Variants in NFATC1 observed in about 807,000 individuals in gnomAD.
NFATC1 encodes nuclear factor of activated T cells 1, also known as nuclear factor of activated T-cells, cytoplasmic 1.
In NFATC1, 22 loss-of-function variants were observed where a neutral mutation model predicts 76.0. The ratio of observed to expected loss-of-function variants is 0.29; its 90% CI spans 0.21 to 0.41. The LOEUF is 0.41. Among genes scored for constraint, NFATC1 ranks in the 10% least tolerant of loss-of-function variants. NFATC1 has a pLI of 1.00. For synonymous variants in NFATC1, 704 were observed against 613.1 expected (o/e 1.15, Z -2.19); for missense variants, 1,357 against 1,337.7 (o/e 1.01, Z -0.23).
intron 8 of NFATC1, among the ~76,000 whole-genome samples, chr18:79,475,034 C>G (rs572735860): frequency 7.4e-6 from 1 of 135,852 alleles, no homozygotes; most frequent in Admixed American, 7.2e-5. Flanking sequence ...GAAGCGTGTT[C>G]TCACGCTCAC....
intron 7 of NFATC1, among the ~76,000 whole-genome samples, chr18:79,462,639 C>T (rs987319076): frequency 6.6e-6 from 1 of 152,212 alleles, no homozygotes; most frequent in African/African-American, 2.4e-5. Context: ...TTGGATTGAT[C>T]CCTACGTTGG....
chr18:79,433,281 A>G (rs923754501), intron 2 of NFATC1, among the ~76,000 whole-genome samples: 2 of 152,186 alleles, frequency 1.3e-5, no homozygotes, highest in Non-Finnish European at 2.9e-5. Flanking sequence ...ATTTTCAATG[A>G]GTTCTAAAAC....
rs1491226314 is a variant in NFATC1 at position 79,424,477 on chromosome 18, CTT to C, written c.1227-9100_1227-9099del. ...AAATGCGCTGATCGTCTCTCTCTCT[CTT>C]TGTCTCTCCATCTCTGTCTCTCTCC... On this transcript the variant is annotated intron_variant, in intron 2 of 9. Transcript: ENST00000427363. Among the ~76,000 whole-genome samples, 812 of 132,886 alleles carry C rather than the reference CTT, an allele frequency of 6.1e-3. 4 individuals are homozygous for C. Among genetic ancestry groups the C allele is most frequent in the African/African-American group, 0.021 (681 of 32,078 alleles). The allele number at this position is 132,886 out of a possible 152,430, so 87.2% of individuals were successfully genotyped here.
intron 8 of NFATC1, among the ~76,000 whole-genome samples, chr18:79,477,498 A>G (rs1030099120): frequency 6.6e-5 from 10 of 152,206 alleles, no homozygotes; most frequent in African/African-American, 2.4e-4. Flanking sequence ...TGTTGGCGGA[A>G]GAAGGGGGTC....
chr18:79,440,237 G>T (rs1035735777), intron 3 of NFATC1, among the ~76,000 whole-genome samples: 22 of 152,208 alleles, frequency 1.4e-4, no homozygotes, highest in Non-Finnish European at 2.2e-4. Context: ...AAGATGACGC[G>T]TGGGCTCTGG....
chr18:79,400,329 G>C (rs990292888), intron 1 of NFATC1: 5 of 1,357,026 alleles, frequency 3.7e-6, no homozygotes, highest in Middle Eastern at 2.6e-4. Flanking sequence ...GGGCAGCGCC[G>C]GGAGAACCGA....
chr18:79,444,164 G>A (rs1015247656), intron 3 of NFATC1, among the ~76,000 whole-genome samples: 1 of 152,234 alleles, frequency 6.6e-6, no homozygotes, highest in Non-Finnish European at 1.5e-5. Flanking sequence ...GTGAGCTGGT[G>A]CCAGTGGGTC....
Position 79,410,233 on chromosome 18 carries a change from C to G in NFATC1, c.128-170C>G, listed in dbSNP as rs1282931431. On this transcript the variant is annotated intron_variant, in intron 1 of 9. Transcript: ENST00000427363. This position sits in a 1 kb window ranked among gnomAD's most constrained non-coding sequence, Gnocchi z 6.7. ...GCCAGGTGGGACTGGGGCTGTCACT[C>G]CAAGTCGCCCGGAGCTGTCCGGCAG... 7.1e-6 allele frequency: 8 copies of G among 1,126,396 alleles called. No homozygotes were observed. The highest frequency in any genetic ancestry group is 2.1e-4 in the Middle Eastern group (1 of 4,688). The allele number at this position is 1,126,396 out of a possible 1,614,324, so 69.8% of individuals were successfully genotyped here.
chr18:79,518,894 G>T (rs915972518), intron 9 of NFATC1, among the ~76,000 whole-genome samples: 3 of 152,256 alleles, frequency 2.0e-5, no homozygotes, highest in Non-Finnish European at 4.4e-5. Flanking sequence ...CCTGACTTGG[G>T]CTCCGATCCA....
chr18:79,467,925 C>CA (rs2088600231), intron 8 of NFATC1: 21 of 1,098,272 alleles, frequency 1.9e-5, no homozygotes, highest in Non-Finnish European at 2.3e-5. Flanking sequence ...CACCCTAAAG[C>CA]TGCTTACGGT....
chr18:79,480,154 G>T (rs1374982755), intron 8 of NFATC1, among the ~76,000 whole-genome samples: 1 of 152,226 alleles, frequency 6.6e-6, no homozygotes, highest in Non-Finnish European at 1.5e-5. Context: ...CGTGGGTGGG[G>T]CACGTGCGGT....
chr18:79,480,651 C>T (rs940635445), intron 8 of NFATC1, among the ~76,000 whole-genome samples: 6 of 152,192 alleles, frequency 3.9e-5, no homozygotes, highest in Admixed American at 6.5e-5. Flanking sequence ...GTGTTCTTGA[C>T]GTTCTCCAGC....
chr18:79,461,539 A>G (rs58788654), intron 7 of NFATC1, among the ~76,000 whole-genome samples, 173 bp downstream of exon 7: 45,575 of 152,088 alleles, frequency 0.3, 9,929 homozygotes, highest in African/African-American at 0.61. Context: ...AAACAGGATC[A>G]CCAAGTACTC....
intron 8 of NFATC1, chr18:79,468,063 C>T (rs1324824355): frequency 2.2e-6 from 2 of 901,172 alleles, no homozygotes; most frequent in Non-Finnish European, 2.7e-6. Flanking sequence ...GTCCCCGAGA[C>T]ACTTCTCCAG....
At chr18:79,455,281 C>T (rs1013570108) in intron 6 of NFATC1, among the ~76,000 whole-genome samples, 7 of 152,332 alleles carry the variant, frequency 4.6e-5, no homozygotes, top group East Asian at 3.9e-4. Context: ...TGCCAGCGAT[C>T]GCGCAGCGGG....
At chr18:79,423,603 G>C (rs919778852) in intron 2 of NFATC1, among the ~76,000 whole-genome samples, 3 of 152,194 alleles carry the variant, frequency 2.0e-5, no homozygotes, top group African/African-American at 7.2e-5. Context: ...GGCTGGACCT[G>C]GGACTGCCTG....
rs1349385550 is a variant in NFATC1, at chr18:79,424,769, CTCTCTCTG to C, written c.1227-8796_1227-8789del. Among the ~76,000 whole-genome samples, 12 of 147,088 alleles carry C rather than the reference CTCTCTCTG, an allele frequency of 8.2e-5. No homozygotes were observed. In the South Asian group the frequency reaches 2.1e-3, roughly 26 times the overall value. On this transcript the variant is annotated intron_variant, in intron 2 of 9. Coordinates refer to ENST00000427363, the MANE Select transcript of NFATC1 (RefSeq NM_001278669.2). The stretch of plus-strand genomic sequence containing the variant: ...TCTGTCCCTGTCTCTGTTTCTCTGT[CTCTCTCTG>C]TCTCTCTGTCTCTGACTCTCTGTGT...
chr18:79,462,574 G>A (rs141647741), intron 7 of NFATC1, among the ~76,000 whole-genome samples: 1,858 of 152,306 alleles, frequency 0.012, 37 homozygotes, highest in African/African-American at 0.037. Flanking sequence ...AAAGTGCTGG[G>A]ATTACAGGCA....
At chr18:79,464,038 A>G (rs1227399823) in intron 7 of NFATC1, among the ~76,000 whole-genome samples, 1 of 152,262 alleles carries the variant, frequency 6.6e-6, no homozygotes, top group Non-Finnish European at 1.5e-5. Context: ...TTTAAAAGAA[A>G]CTTAAGAGCA....
Sources: gnomAD v4.1 joint callset for allele counts (sites outside exome capture counted in the v4.1 genomes callset) on GRCh38, gnomAD v4.1.1 for gene constraint, Gnocchi (gnomAD v3.1) non-coding constraint, MANE v1.5 for transcripts, NCBI Gene and HGNC (gene_info 2026-07-23, HGNC 2026-07-21) for gene names.